TBC1D22B: variants seen among roughly 807,000 people sequenced by gnomAD.
The protein encoded by TBC1D22B is chromosome 6 open reading frame 197.
Under a neutral mutation model 69.1 loss-of-function variants are expected in TBC1D22B, and 32 were observed. The ratio of observed to expected loss-of-function variants is 0.46; its 90% CI spans 0.35 to 0.62. The LOEUF (loss-of-function observed/expected upper bound fraction) is 0.62, where lower values mean the gene tolerates loss of function less well. TBC1D22B is among the 20% of genes least tolerant of loss of function. TBC1D22B has a pLI of 0.00. For missense variants in TBC1D22B, 462 were observed against 630.9 expected, an observed-to-expected ratio of 0.73 and a Z score of 2.87; for synonymous variants, 206 against 229.8, an observed-to-expected ratio of 0.90 and a Z score of 0.94.
chr6:37,272,490 GCCTCACCCCCAA>G (rs1766521326), intron 2 of TBC1D22B, among the ~76,000 whole-genome samples: 1 of 151,418 alleles, frequency 6.6e-6, no homozygotes, highest in African/African-American at 2.4e-5. Flanking sequence ...GCTCCCGCAT[GCCTCACCCCCAA>G]CTTCACCCCA....
intron 12 of TBC1D22B, among the ~76,000 whole-genome samples, chr6:37,325,827 T>C (rs1419476323): frequency 6.6e-6 from 1 of 152,144 alleles, no homozygotes; most frequent in Non-Finnish European, 1.5e-5. Context: ...GTTTCTACTT[T>C]TTTAATCCAC....
At position 37,272,533 on chromosome 6, in the gene TBC1D22B, A is replaced by G. The variant is rs548268136; in HGVS notation, c.113+2883A>G. Among the ~76,000 whole-genome samples, 30 of 151,932 alleles carry G rather than the reference A, an allele frequency of 2.0e-4. No individual in the cohort carries two copies. The East Asian group carries it at 5.2e-3, about 27-fold the overall frequency. ...CCCCACAGTGGCTGGGACTACAGGC[A>G]TGGGCCACCATGCCTGGCTAATTTT... On this transcript the variant is annotated intron_variant, in intron 2 of 12. Transcript: ENST00000373491.
chr6:37,318,344 C>G (rs1489507112), intron 12 of TBC1D22B, among the ~76,000 whole-genome samples: 1 of 152,106 alleles, frequency 6.6e-6, no homozygotes, highest in Non-Finnish European at 1.5e-5. Context: ...GAGAAGGCTA[C>G]AGGATGGCTT....
At chr6:37,322,454 T>G (rs1335690969) in intron 12 of TBC1D22B, among the ~76,000 whole-genome samples, 1 of 151,910 alleles carries the variant, frequency 6.6e-6, no homozygotes, top group Admixed American at 6.6e-5. Context: ...GAGGCGGAGA[T>G]TGCAGTGAGC....
At chr6:37,326,415 A>G (rs1015514672) in intron 12 of TBC1D22B, among the ~76,000 whole-genome samples, 15 of 150,392 alleles carry the variant, frequency 1.0e-4, no homozygotes, top group African/African-American at 2.7e-4. Context: ...CTAGAGAGCT[A>G]TGTCCTTTGT....
chr6:37,292,350 G>A (rs2113754164), intron 8 of TBC1D22B, among the ~76,000 whole-genome samples: 1 of 152,236 alleles, frequency 6.6e-6, no homozygotes, highest in South Asian at 2.1e-4. Context: ...GTCTCACTTG[G>A]CCTATCCTAT....
chr6:37,267,490 AATATATATACACTATATATATAAT>A (rs1244231700), intron 1 of TBC1D22B, among the ~76,000 whole-genome samples: 1,912 of 9,584 alleles, frequency 0.2, 45 homozygotes, highest in African/African-American at 0.25. Context: ...CACTATATAT[AATATATATACACTATATATATAAT>A]ATATATATAC....
At chr6:37,287,139 TTTGCG>T in intron 7 of TBC1D22B, 67 bp downstream of exon 7, 1 of 1,365,880 alleles carries the variant, frequency 7.3e-7, no homozygotes, top group Non-Finnish European at 1.0e-6. Context: ...TGTTTACAGG[TTTGCG>T]GCTAATCATA....
chr6:37,279,155 T>C, intron 2 of TBC1D22B, 149 bp from the exon 3 acceptor site: 1 of 674,136 alleles, frequency 1.5e-6, no homozygotes, highest in East Asian at 2.8e-5. Context: ...TGTATCTAGA[T>C]GAAGAATGGA....
At chr6:37,259,949 C>G (rs193068567) in intron 1 of TBC1D22B, among the ~76,000 whole-genome samples, 8 of 152,266 alleles carry the variant, frequency 5.3e-5, no homozygotes, top group African/African-American at 1.9e-4. Context: ...ATTATTACAG[C>G]AAGTAAACAT....
At chr6:37,314,179 C>T (rs1411298416) in intron 10 of TBC1D22B, among the ~76,000 whole-genome samples, 1 of 152,218 alleles carries the variant, frequency 6.6e-6, no homozygotes. Flanking sequence ...TCCCCAGCCA[C>T]AGCTCTGGTC....
chr6:37,287,756 T>C (rs1767054269), intron 7 of TBC1D22B, among the ~76,000 whole-genome samples: 1 of 152,266 alleles, frequency 6.6e-6, no homozygotes, highest in South Asian at 2.1e-4. Context: ...TAACACATAT[T>C]GTTGAGCTGT....
chr6:37,299,116 G>A (rs1053119723), intron 8 of TBC1D22B, among the ~76,000 whole-genome samples: 1 of 152,186 alleles, frequency 6.6e-6, no homozygotes, highest in Non-Finnish European at 1.5e-5. Context: ...TATTTCACCT[G>A]TCTAGCAGAT....
rs1766934288 is a variant in TBC1D22B, at chr6:37,284,215, G to A, written c.673-121G>A. 6 of 1,503,928 alleles carry A rather than the reference G, an allele frequency of 4.0e-6. No individual in the cohort carries two copies. In the Admixed American group the frequency reaches 6.9e-5, roughly 17 times the overall value. The allele number at this position is 1,503,928 out of a possible 1,614,324, so 93.2% of individuals were successfully genotyped here. A position where few individuals can be genotyped will look rare whatever the true frequency, so the allele number is the denominator to read the frequency against. ...AAAATGGGTGGCCAGAACCAAAAAG[G>A]GATTTACCCTTGGCAGTTTTCCTTC... is the stretch of plus-strand genomic sequence containing the variant. On this transcript the variant is annotated intron_variant, in intron 5 of 12. Transcript: ENST00000373491.
At chr6:37,325,235 A>T (rs1433034795) in intron 12 of TBC1D22B, among the ~76,000 whole-genome samples, 1 of 152,052 alleles carries the variant, frequency 6.6e-6, no homozygotes, top group Non-Finnish European at 1.5e-5. Context: ...GTGAATTTTC[A>T]GCAGGTACCT....
At chr6:37,278,380 C>T (rs1766727323) in intron 2 of TBC1D22B, among the ~76,000 whole-genome samples, 1 of 152,190 alleles carries the variant, frequency 6.6e-6, no homozygotes, top group Non-Finnish European at 1.5e-5. Context: ...TTTAATGCTA[C>T]ATATGTGGAC....
At chr6:37,311,183 A>ATT (rs11311446) in intron 8 of TBC1D22B, among the ~76,000 whole-genome samples, 7 of 147,246 alleles carry the variant, frequency 4.8e-5, no homozygotes, top group African/African-American at 1.8e-4. Flanking sequence ...TTCAAGTTGG[A>ATT]TTTTTTTTTT....
intron 6 of TBC1D22B, among the ~76,000 whole-genome samples, chr6:37,285,833 G>A (rs1399066745): frequency 6.6e-6 from 1 of 152,164 alleles, no homozygotes; most frequent in Non-Finnish European, 1.5e-5. Flanking sequence ...TGTTGGCCAG[G>A]CTGGTCTCAA....
intron 4 of TBC1D22B, 100 bp downstream of exon 4, chr6:37,282,464 C>A: frequency 7.5e-7 from 1 of 1,335,626 alleles, no homozygotes; most frequent in South Asian, 1.5e-5. Flanking sequence ...TTTTACTTTT[C>A]TAGCTTCTCC....
Sources: gnomAD v4.1 joint callset for allele counts (sites outside exome capture counted in the v4.1 genomes callset) on GRCh38, gnomAD v4.1.1 for gene constraint, MANE v1.5 for transcripts, NCBI Gene and HGNC (gene_info 2026-07-23, HGNC 2026-07-21) for gene names.